DENND5B: variants seen among roughly 807,000 people sequenced by gnomAD.
The protein encoded by DENND5B is DENN domain containing 5B.
In DENND5B, 34 loss-of-function variants were observed where a neutral mutation model predicts 140.6. The observed-to-expected ratio is 0.24, with a 90% confidence interval of 0.18 to 0.32. The LOEUF (loss-of-function observed/expected upper bound fraction) is 0.32, where lower values mean the gene tolerates loss of function less well. Ranked by LOEUF, DENND5B falls within the 10% of genes least tolerant of loss-of-function variation. The pLI is 1.00. For missense variants in DENND5B, 1,142 were observed against 1,560.2 expected (o/e 0.73, Z 4.52); for synonymous variants, 551 against 562.1 (o/e 0.98, Z 0.28).
At chr12:31,508,404 A>C (rs1398624400) in intron 1 of DENND5B, among the ~76,000 whole-genome samples, 17 of 152,236 alleles carry the variant, frequency 1.1e-4, no homozygotes, top group Admixed American at 3.3e-4. Flanking sequence ...AAAGAAAGAT[A>C]TAAATTACAA....
chr12:31,468,333 A>G (rs902428284), intron 3 of DENND5B, among the ~76,000 whole-genome samples: 3 of 152,186 alleles, frequency 2.0e-5, no homozygotes, highest in African/African-American at 7.2e-5. Flanking sequence ...GGATGTAGCT[A>G]ACACAGGACT....
chr12:31,442,255 T>C (rs1412855834), intron 7 of DENND5B, among the ~76,000 whole-genome samples: 1 of 152,186 alleles, frequency 6.6e-6, no homozygotes, highest in Non-Finnish European at 1.5e-5. Context: ...TGCTAAACTC[T>C]CTTATGTTCT....
intron 1 of DENND5B, among the ~76,000 whole-genome samples, chr12:31,533,313 T>C (rs1271817906): frequency 6.6e-6 from 1 of 152,056 alleles, no homozygotes; most frequent in African/African-American, 2.4e-5. Flanking sequence ...AAATAAAAAA[T>C]ACAGTACATG....
intron 8 of DENND5B, among the ~76,000 whole-genome samples, chr12:31,427,903 G>C (rs1265313658): frequency 6.6e-6 from 1 of 151,950 alleles, no homozygotes. Context: ...AAGAGAGTTT[G>C]TACATTTAAT....
chr12:31,404,137 A>C (rs1246257041), intron 14 of DENND5B, among the ~76,000 whole-genome samples: 4 of 151,654 alleles, frequency 2.6e-5, no homozygotes, highest in African/African-American at 9.7e-5. Context: ...AGGAGGGGGG[A>C]TCCCTTGAGC....
intron 1 of DENND5B, among the ~76,000 whole-genome samples, chr12:31,585,299 G>C (rs1448364899): frequency 1.3e-5 from 2 of 152,116 alleles, no homozygotes; most frequent in Admixed American, 6.6e-5. Flanking sequence ...AGCTACCCGG[G>C]GCAGACCTTC....
At chr12:31,423,489 A>G in intron 11 of DENND5B, 108 bp downstream of exon 11, 1 of 1,190,860 alleles carries the variant, frequency 8.4e-7, no homozygotes, top group Non-Finnish European at 1.2e-6. Flanking sequence ...CATTATTGGC[A>G]AAATGAGTAA....
chr12:31,496,902 T>A (rs7313118), intron 1 of DENND5B, among the ~76,000 whole-genome samples: 1 of 151,760 alleles, frequency 6.6e-6, no homozygotes, highest in East Asian at 1.9e-4. Flanking sequence ...ATCAAGGAAC[T>A]AGAAGATCTT....
chr12:31,533,678 A>C (rs192975996), intron 1 of DENND5B, among the ~76,000 whole-genome samples: 147 of 152,312 alleles, frequency 9.7e-4, no homozygotes, highest in Admixed American at 3.3e-3. Flanking sequence ...CTCTTTGACC[A>C]CAATGTAGTT....
chr12:31,445,132 G>C (rs1487967652), intron 6 of DENND5B, among the ~76,000 whole-genome samples: 1 of 152,194 alleles, frequency 6.6e-6, no homozygotes, highest in Non-Finnish European at 1.5e-5. Context: ...AAATAAAAGG[G>C]AGGGCCGTCA....
In DENND5B at chr12:31,578,071, G is replaced by A. The variant is rs534946856; in HGVS notation, c.127+12635C>T. Among the ~76,000 whole-genome samples the A allele has an allele frequency of 4.9e-5, 7 of 144,088 alleles. 1 individual carries two copies. In the South Asian group the frequency reaches 1.6e-3, roughly 34 times the overall value. The allele number at this position is 144,088 out of a possible 152,430, so 94.5% of individuals were successfully genotyped here. On this transcript the variant is annotated intron_variant, in intron 1 of 20. Coordinates refer to ENST00000389082, the MANE Select transcript of DENND5B (RefSeq NM_144973.4). ...AAGCCCAGAAAGTGGAGACTGAAGT[G>A]AGCCAAGATCATGCCACTGCACTCC...
rs1279906894 is a variant in DENND5B at position 31,518,241 on chromosome 12, CACAA to C, written c.128-22326_128-22323del. Among the ~76,000 whole-genome samples the C allele has an allele frequency of 5.3e-5, 8 of 152,298 alleles. No homozygotes were observed. The South Asian group carries it at 8.3e-4, about 16-fold the overall frequency. On this transcript the variant is annotated intron_variant, in intron 1 of 20. Transcript: ENST00000389082. ...TCAAATATTTTAGGAAATAACACTA[CACAA>C]ACAAATAATTCAAAAAATGTTAGAC...
chr12:31,582,629 T>C (rs1371712028), intron 1 of DENND5B, among the ~76,000 whole-genome samples: 1 of 152,162 alleles, frequency 6.6e-6, no homozygotes, highest in Non-Finnish European at 1.5e-5. Flanking sequence ...TAAATCTAAA[T>C]CTGTGATGAA....
chr12:31,584,984 A>G (rs1244412212), intron 1 of DENND5B, among the ~76,000 whole-genome samples: 1 of 152,152 alleles, frequency 6.6e-6, no homozygotes. Context: ...ATCACATAGC[A>G]AGAGAGAGGA....
At chr12:31,516,356 G>C (rs1472549528) in intron 1 of DENND5B, among the ~76,000 whole-genome samples, 8 of 151,720 alleles carry the variant, frequency 5.3e-5, no homozygotes, top group Non-Finnish European at 1.2e-4. Context: ...CACACCTATA[G>C]TCCCAGACAG....
intron 1 of DENND5B, among the ~76,000 whole-genome samples, chr12:31,511,806 A>G (rs1947428014): frequency 1.3e-5 from 2 of 151,744 alleles, no homozygotes; most frequent in African/African-American, 4.8e-5. Flanking sequence ...ATACTCCAAA[A>G]TTTTTAAGTC....
intron 1 of DENND5B, among the ~76,000 whole-genome samples, chr12:31,503,110 T>C (rs1947073029): frequency 6.6e-6 from 1 of 152,180 alleles, no homozygotes; most frequent in Non-Finnish European, 1.5e-5. Flanking sequence ...CATGAAAGAA[T>C]TCAAGAAGGA....
At chr12:31,582,309 C>A (rs1280615924) in intron 1 of DENND5B, among the ~76,000 whole-genome samples, 2 of 152,178 alleles carry the variant, frequency 1.3e-5, no homozygotes, top group African/African-American at 4.8e-5. Context: ...CTGATGCCTG[C>A]GGCTGTCATA....
At chr12:31,425,130 T>C (rs1257647462) in intron 9 of DENND5B, among the ~76,000 whole-genome samples, 2 of 152,096 alleles carry the variant, frequency 1.3e-5, no homozygotes, top group African/African-American at 2.4e-5. Context: ...CTGGCCAACA[T>C]GGTGAAACCC....
Sources: gnomAD v4.1 joint callset for allele counts (sites outside exome capture counted in the v4.1 genomes callset) on GRCh38, gnomAD v4.1.1 for gene constraint, MANE v1.5 for transcripts, NCBI Gene and HGNC (gene_info 2026-07-23, HGNC 2026-07-21) for gene names.